WWOX: variants seen among roughly 807,000 people sequenced by gnomAD.
WWOX encodes the protein WW domain containing oxidoreductase.
WWOX carries 69 observed loss-of-function variants against 46.2 expected under a neutral mutation model. The ratio of observed to expected loss-of-function variants is 1.49; its 90% confidence interval spans 1.23 to 1.82. The LOEUF is 1.82. Among genes scored for constraint, WWOX ranks in the 40% most tolerant of loss-of-function variants. WWOX has a pLI of 0.00. For synonymous variants in WWOX, 359 were observed against 202.6 expected (o/e 1.77, Z -6.56); for missense variants, 919 against 542.6 (o/e 1.69, Z -6.89).
intron 8 of WWOX, among the ~76,000 whole-genome samples, chr16:79,039,580 C>T (rs1325627844): frequency 1.3e-5 from 2 of 152,198 alleles, no homozygotes; most frequent in Non-Finnish European, 2.9e-5. Flanking sequence ...GTCACTGTTG[C>T]CAGATGCCAG....
At chr16:78,463,266 C>G (rs899136008) in intron 8 of WWOX, among the ~76,000 whole-genome samples, 1 of 152,124 alleles carries the variant, frequency 6.6e-6, no homozygotes, top group South Asian at 2.1e-4. Context: ...TGGAGGTGCC[C>G]TTGCAGGTAT....
intron 8 of WWOX, among the ~76,000 whole-genome samples, chr16:78,601,871 C>T (rs577006460): frequency 6.6e-6 from 1 of 152,160 alleles, no homozygotes; most frequent in African/African-American, 2.4e-5. Flanking sequence ...GTTTTTCAGC[C>T]CTGTTTTAAG....
chr16:78,644,656 T>G (rs1049321465), intron 8 of WWOX, among the ~76,000 whole-genome samples: 1 of 152,114 alleles, frequency 6.6e-6, no homozygotes, highest in Non-Finnish European at 1.5e-5. Context: ...AGAGATGGGG[T>G]TGCACCATGT....
intron 8 of WWOX, among the ~76,000 whole-genome samples, chr16:78,660,920 C>T (rs540590507): frequency 5.3e-5 from 8 of 152,254 alleles, no homozygotes; most frequent in African/African-American, 1.7e-4. Context: ...AGCTCAACCT[C>T]CTAATACTGC....
intron 8 of WWOX, among the ~76,000 whole-genome samples, chr16:78,546,521 A>G (rs1297828334): frequency 2.0e-5 from 3 of 152,200 alleles, no homozygotes; most frequent in Non-Finnish European, 2.9e-5. Flanking sequence ...TGCCCAAGAA[A>G]AGATTATTTA....
chr16:79,015,484 TA>T (rs1396607549), intron 8 of WWOX, among the ~76,000 whole-genome samples: 6 of 152,202 alleles, frequency 3.9e-5, no homozygotes, highest in Non-Finnish European at 1.5e-5. Flanking sequence ...AGGTGCTCAA[TA>T]AACTATAACG....
chr16:78,373,566 AGAG>A (rs1207503556), intron 5 of WWOX, among the ~76,000 whole-genome samples: 3 of 152,108 alleles, frequency 2.0e-5, no homozygotes, highest in Non-Finnish European at 4.4e-5. Context: ...TGCTGTGGAA[AGAG>A]GAGAAGTATT....
At position 79,141,584 on chromosome 16, in the gene WWOX, C is replaced by T. The variant is rs577867150; in HGVS notation, c.1057-70024C>T. 1.4e-4 allele frequency among the ~76,000 whole-genome samples: 22 copies of T among 152,358 alleles called. No homozygotes were observed. In the South Asian group the frequency reaches 4.3e-3, roughly 30 times the overall value. On this transcript the variant is annotated intron_variant, in intron 8 of 8. Coordinates refer to ENST00000566780, the MANE Select transcript of WWOX (RefSeq NM_016373.4). ...CTTTGGCTTTGTAGAAGGTCGAGTT[C>T]TCCAAATTTAAGAGATTCAAAAATG... is the stretch of plus-strand genomic sequence containing the variant.
rs181528123 is a variant in WWOX at position 78,987,668 on chromosome 16, T to C, written c.1057-223940T>C. Among the ~76,000 whole-genome samples, 126 of 152,360 alleles carry C rather than the reference T, an allele frequency of 8.3e-4. 1 individual carries two copies. Among genetic ancestry groups the C allele is most frequent in the Non-Finnish European group, 7.2e-4 (49 of 68,040 alleles). On this transcript the variant is annotated intron_variant, in intron 8 of 8. Transcript: ENST00000566780. ...GATGGTGCATATGTCTTTGTTTCTGTACAGGGCCCTCCATGTTCAGAGGCA... is the reference window on the plus strand; with the variant it reads ...GATGGTGCATATGTCTTTGTTTCTGCACAGGGCCCTCCATGTTCAGAGGCA...
chr16:78,468,371 C>G (rs542058084), intron 8 of WWOX, among the ~76,000 whole-genome samples: 1 of 151,818 alleles, frequency 6.6e-6, no homozygotes, highest in African/African-American at 2.4e-5. Context: ...TTCCTTCTCA[C>G]CTTAACCCCA....
rs189019023 is a variant in WWOX, at chr16:79,127,617, G to A, written c.1057-83991G>A. On this transcript the variant is annotated intron_variant, in intron 8 of 8. Transcript: ENST00000566780. ...TCCCACGTGCATGCATGTATTTGCA[G>A]GATTGAGTCTTAGAAATAGCAGCAT... Among the ~76,000 whole-genome samples, 296 of 152,300 alleles carry A rather than the reference G, an allele frequency of 1.9e-3. 1 individual carries two copies. Among genetic ancestry groups the A allele is most frequent in the Non-Finnish European group, 3.0e-3 (204 of 68,024 alleles).
At chr16:78,112,994 C>G (rs1340730395) in intron 3 of WWOX, among the ~76,000 whole-genome samples, 1 of 152,166 alleles carries the variant, frequency 6.6e-6, no homozygotes, top group Non-Finnish European at 1.5e-5. Flanking sequence ...GCATGAGCGA[C>G]CACACCTGAC....
At chr16:78,868,003 C>T (rs982537600) in intron 8 of WWOX, among the ~76,000 whole-genome samples, 2 of 152,174 alleles carry the variant, frequency 1.3e-5, no homozygotes, top group Admixed American at 1.3e-4. Context: ...TAAACACACA[C>T]ATATGTGGCT....
intron 8 of WWOX, chr16:78,826,067 A>G (rs979278001): frequency 2.7e-5 from 11 of 403,132 alleles, no homozygotes; most frequent in Non-Finnish European, 4.5e-5. Flanking sequence ...ACATTTAATA[A>G]AATATTGTAC....
intron 8 of WWOX, among the ~76,000 whole-genome samples, chr16:78,837,681 GC>G (rs1267548178): frequency 6.6e-6 from 1 of 152,112 alleles, no homozygotes; most frequent in Non-Finnish European, 1.5e-5. Flanking sequence ...AGAAAGAGGG[GC>G]TGACAAAGAT....
chr16:78,255,179 A>C (rs1023632474), intron 5 of WWOX, among the ~76,000 whole-genome samples: 4 of 152,188 alleles, frequency 2.6e-5, no homozygotes, highest in African/African-American at 9.7e-5. Flanking sequence ...TAAGGGTATA[A>C]CTGTCTTGGC....
rs561720013 is a variant in WWOX, at chr16:78,621,087, C to A, written c.1056+188335C>A. ...CTTCCTTTCTCTTCTCCTGCTGCCA[C>A]CTTGGTCCACAGTTTATCTTTGAAA... On this transcript the variant is annotated intron_variant, in intron 8 of 8. Coordinates refer to ENST00000566780, the MANE Select transcript of WWOX (RefSeq NM_016373.4). 3.3e-5 allele frequency among the ~76,000 whole-genome samples: 5 copies of A among 152,256 alleles called. No individual in the cohort carries two copies. The East Asian group carries it at 9.7e-4, about 29-fold the overall frequency.
intron 5 of WWOX, among the ~76,000 whole-genome samples, chr16:78,363,036 C>T (rs1256075856): frequency 6.6e-6 from 1 of 152,080 alleles, no homozygotes; most frequent in African/African-American, 2.4e-5. Context: ...TCCTTCTGCT[C>T]CCTAATGACA....
At chr16:78,902,758 T>G (rs2151244020) in intron 8 of WWOX, among the ~76,000 whole-genome samples, 1 of 152,348 alleles carries the variant, frequency 6.6e-6, no homozygotes, top group Non-Finnish European at 1.5e-5. Context: ...CCATCCACTG[T>G]CTTCTAAGAA....
Sources: gnomAD v4.1 joint callset for allele counts (sites outside exome capture counted in the v4.1 genomes callset) on GRCh38, gnomAD v4.1.1 for gene constraint, MANE v1.5 for transcripts, NCBI Gene and HGNC (gene_info 2026-07-23, HGNC 2026-07-21) for gene names.